Variants in ADK observed in about 807,000 individuals in gnomAD.
ADK encodes the protein adenosine kinase, also known as N6,N6-dimethyladenosine kinase.
ADK carries 24 observed loss-of-function variants against 44.7 expected under a neutral mutation model. That is an observed-to-expected ratio of 0.54 (90% CI 0.39 to 0.76). The LOEUF (loss-of-function observed/expected upper bound fraction) is 0.76. ADK is among the 30% of genes least tolerant of loss of function. ADK has a pLI of 0.00. For synonymous variants in ADK, 128 were observed against 142.6 expected, an observed-to-expected ratio of 0.90 and a Z score of 0.73; for missense variants, 321 against 425.1, an observed-to-expected ratio of 0.76 and a Z score of 2.15.
At chr10:74,551,924 C>A (rs992912553) in intron 7 of ADK, among the ~76,000 whole-genome samples, 1 of 152,098 alleles carries the variant, frequency 6.6e-6, no homozygotes, top group African/African-American at 2.4e-5. Context: ...CATATACTCC[C>A]ATGTACTTTA....
chr10:74,176,447 TAG>T, intron 1 of ADK: 1 of 1,072,264 alleles, frequency 9.3e-7, no homozygotes. Flanking sequence ...CTTGCCGAGG[TAG>T]ACAGTGGCCA....
intron 10 of ADK, among the ~76,000 whole-genome samples, chr10:74,670,958 C>T (rs1042367431): frequency 6.6e-4 from 98 of 148,926 alleles, no homozygotes; most frequent in African/African-American, 2.3e-3. Flanking sequence ...AGAAAGCTTT[C>T]GCTTCCTCAC....
intron 2 of ADK, among the ~76,000 whole-genome samples, chr10:74,205,657 C>T (rs899124015): frequency 8.0e-5 from 10 of 125,348 alleles, no homozygotes; most frequent in Admixed American, 5.1e-4. Context: ...GCCAGTGTGA[C>T]AGCCTGAGAA....
At chr10:74,661,416 CAG>C (rs1382092766) in intron 9 of ADK, 14 of 248,430 alleles carry the variant, frequency 5.6e-5, no homozygotes, top group Non-Finnish European at 7.7e-5. Flanking sequence ...CTGTGAGCCT[CAG>C]AGTCATCATT....
intron 9 of ADK, among the ~76,000 whole-genome samples, chr10:74,623,715 C>A (rs568287307): frequency 2.0e-5 from 3 of 150,414 alleles, no homozygotes; most frequent in South Asian, 2.1e-4. Flanking sequence ...TATATGTATT[C>A]TAGGCATATA....
At chr10:74,296,066 CTTTTT>C (rs59799489) in intron 3 of ADK, among the ~76,000 whole-genome samples, 1 of 139,952 alleles carries the variant, frequency 7.1e-6, no homozygotes, top group Non-Finnish European at 1.5e-5. Flanking sequence ...TATTTAGCTC[CTTTTT>C]TTTTTTTTTT....
intron 1 of ADK, among the ~76,000 whole-genome samples, chr10:74,195,078 C>T (rs139973873): frequency 3.2e-3 from 306 of 94,248 alleles, no homozygotes; most frequent in African/African-American, 0.013. Flanking sequence ...AATTACTGAC[C>T]GCTCCCCCCC....
Position 74,232,524 on chromosome 10 carries a change from AAAAC to A in ADK, c.194+7944_194+7947del, listed in dbSNP as rs1268107287. 1.6e-3 allele frequency among the ~76,000 whole-genome samples: 233 copies of A among 149,246 alleles called. 12 individuals carry two copies. Among genetic ancestry groups the A allele is most frequent in the Non-Finnish European group, 1.3e-3 (90 of 67,480 alleles). On this transcript the variant is annotated intron_variant, in intron 3 of 10. Transcript: ENST00000539909. ...GCAATAGAGTGAGAACCCGTCTCAA[AAAAC>A]AAACAAACAACCCCCCCGCACCCCC... is the stretch of plus-strand genomic sequence containing the variant.
chr10:74,399,370 T>C (rs549143181), intron 6 of ADK, among the ~76,000 whole-genome samples: 285 of 151,612 alleles, frequency 1.9e-3, no homozygotes, highest in Non-Finnish European at 3.3e-3. Flanking sequence ...ATTACCCTAC[T>C]AGGAGGAACA....
intron 9 of ADK, among the ~76,000 whole-genome samples, chr10:74,614,893 G>A (rs1852692338): frequency 6.6e-6 from 1 of 152,046 alleles, no homozygotes; most frequent in African/African-American, 2.4e-5. Context: ...GGCAATATAT[G>A]TATGTATAAT....
At chr10:74,293,657 G>A (rs1034523412) in intron 3 of ADK, among the ~76,000 whole-genome samples, 1 of 152,034 alleles carries the variant, frequency 6.6e-6, no homozygotes, top group Non-Finnish European at 1.5e-5. Flanking sequence ...ACCTTACTCT[G>A]TGATTTATAT....
intron 10 of ADK, among the ~76,000 whole-genome samples, chr10:74,707,324 C>T (rs1352882405): frequency 1.3e-5 from 2 of 152,184 alleles, no homozygotes; most frequent in African/African-American, 4.8e-5. Context: ...GCATGAGCCA[C>T]GATGCCTGGC....
chr10:74,693,489 A>G (rs1028151495), intron 10 of ADK, among the ~76,000 whole-genome samples: 1 of 152,142 alleles, frequency 6.6e-6, no homozygotes, highest in Non-Finnish European at 1.5e-5. Flanking sequence ...GTGACCTCAC[A>G]GTTTTTACCA....
intron 9 of ADK, 94 bp from the exon 10 acceptor site, chr10:74,670,089 A>G: frequency 5.2e-6 from 5 of 955,438 alleles, no homozygotes; most frequent in Admixed American, 1.8e-5. Flanking sequence ...TCTTTGAATG[A>G]TGAGTGATGA....
At chr10:74,554,706 A>C (rs1379024359) in intron 7 of ADK, among the ~76,000 whole-genome samples, 1 of 151,892 alleles carries the variant, frequency 6.6e-6, no homozygotes, top group Non-Finnish European at 1.5e-5. Flanking sequence ...GCACTTTGGG[A>C]GGCCACGGCA....
chr10:74,220,164 G>A (rs961236992), intron 2 of ADK, among the ~76,000 whole-genome samples: 14 of 151,988 alleles, frequency 9.2e-5, no homozygotes, highest in African/African-American at 1.9e-4. Context: ...TCAAATAGAC[G>A]CAATAAAAAA....
At chr10:74,599,936 A>G (rs1023790286) in intron 8 of ADK, among the ~76,000 whole-genome samples, 5 of 152,154 alleles carry the variant, frequency 3.3e-5, no homozygotes, top group African/African-American at 1.2e-4. Flanking sequence ...CTCTTTATAA[A>G]AACCTCTCTT....
chr10:74,640,276 T>C (rs570528472), intron 9 of ADK, among the ~76,000 whole-genome samples: 1 of 152,344 alleles, frequency 6.6e-6, no homozygotes, highest in South Asian at 2.1e-4. Context: ...AAGCTGAAGC[T>C]GAGGGTACTG....
At chr10:74,512,363 A>AC (rs895541758) in intron 6 of ADK, among the ~76,000 whole-genome samples, 1 of 144,220 alleles carries the variant, frequency 6.9e-6, no homozygotes, top group African/African-American at 2.5e-5. Context: ...TTTGGGACAA[A>AC]TTGGTTTTAA....
Sources: allele counts gnomAD v4.1 joint callset (sites outside exome capture counted in the v4.1 genomes callset), GRCh38; gene constraint gnomAD v4.1.1; transcripts MANE v1.5; gene names NCBI Gene and HGNC (gene_info 2026-07-23, HGNC 2026-07-21).